LRMDA: variants seen among roughly 807,000 people sequenced by gnomAD.
LRMDA encodes leucine rich melanocyte differentiation associated.
Under a neutral mutation model 29.8 loss-of-function variants are expected in LRMDA, and 18 were observed. That is an observed-to-expected ratio of 0.60 (90% CI 0.42 to 0.90). The LOEUF (loss-of-function observed/expected upper bound fraction) is 0.90, where lower values mean the gene tolerates loss of function less well. LRMDA is among the 40% of genes least tolerant of loss of function. The probability of loss-of-function intolerance (pLI) is 0.00; values close to 1 mark genes in which losing one functional copy is unlikely to be tolerated. For missense variants in LRMDA, 273 were observed against 273.9 expected, an observed-to-expected ratio of 1.00 and a Z score of 0.02; for synonymous variants, 125 against 109.4, an observed-to-expected ratio of 1.14 and a Z score of -0.89.
intron 6 of LRMDA, among the ~76,000 whole-genome samples, chr10:76,472,303 A>G (rs1842626074): frequency 6.6e-6 from 1 of 151,820 alleles, no homozygotes; most frequent in Non-Finnish European, 1.5e-5. Flanking sequence ...ACATTGCTGA[A>G]TTGCCATTAG....
At chr10:75,955,149 G>A (rs556357980) in intron 2 of LRMDA, among the ~76,000 whole-genome samples, 1 of 152,264 alleles carries the variant, frequency 6.6e-6, no homozygotes, top group South Asian at 2.1e-4. Flanking sequence ...TGGTTATCTT[G>A]TAAGATAGGG....
At chr10:76,387,587 A>C (rs1397952911) in intron 6 of LRMDA, among the ~76,000 whole-genome samples, 1 of 151,892 alleles carries the variant, frequency 6.6e-6, no homozygotes, top group Non-Finnish European at 1.5e-5. Context: ...TGGGGGACAG[A>C]ATGAAACACT....
intron 5 of LRMDA, among the ~76,000 whole-genome samples, chr10:76,104,846 A>G (rs1332697710): frequency 6.6e-6 from 1 of 151,752 alleles, no homozygotes; most frequent in Non-Finnish European, 1.5e-5. Context: ...GCCCTGTCTC[A>G]TGTCCCTGCT....
intron 6 of LRMDA, among the ~76,000 whole-genome samples, chr10:76,418,715 A>G (rs1842043890): frequency 6.6e-6 from 1 of 151,980 alleles, no homozygotes; most frequent in African/African-American, 2.4e-5. Context: ...TTTTAATTTT[A>G]TTATGTCTAA....
intron 2 of LRMDA, among the ~76,000 whole-genome samples, chr10:75,453,516 C>T (rs1401166628): frequency 1.3e-5 from 2 of 152,192 alleles, no homozygotes. Context: ...GTGCTGTTTG[C>T]AAAGGTGCCA....
chr10:76,265,914 T>C (rs1840001540), intron 5 of LRMDA, among the ~76,000 whole-genome samples: 1 of 152,236 alleles, frequency 6.6e-6, no homozygotes, highest in Non-Finnish European at 1.5e-5. Flanking sequence ...CTTCCTGGTA[T>C]TAGACTAACT....
At chr10:76,141,134 T>C (rs571810814) in intron 5 of LRMDA, among the ~76,000 whole-genome samples, 4 of 152,190 alleles carry the variant, frequency 2.6e-5, no homozygotes, top group Admixed American at 6.6e-5. Flanking sequence ...CTATTATCAG[T>C]TTCTTTCAGC....
intron 5 of LRMDA, among the ~76,000 whole-genome samples, chr10:76,298,265 G>C (rs1840437237): frequency 6.6e-6 from 1 of 152,162 alleles, no homozygotes; most frequent in Non-Finnish European, 1.5e-5. Flanking sequence ...CCCCCAACCA[G>C]TTAGCAGCAT....
intron 2 of LRMDA, among the ~76,000 whole-genome samples, chr10:75,836,048 C>G (rs1844430158): frequency 6.6e-6 from 1 of 152,126 alleles, no homozygotes; most frequent in African/African-American, 2.4e-5. Flanking sequence ...AAAAAATCCT[C>G]ACTCTCTTAG....
intron 2 of LRMDA, among the ~76,000 whole-genome samples, chr10:75,783,805 C>G (rs1356127722): frequency 6.6e-6 from 1 of 152,180 alleles, no homozygotes; most frequent in Admixed American, 6.5e-5. Flanking sequence ...AAATGTTCAT[C>G]TCCTCCCTTT....
At chr10:75,565,221 G>C (rs199840992) in intron 2 of LRMDA, among the ~76,000 whole-genome samples, 1 of 152,178 alleles carries the variant, frequency 6.6e-6, no homozygotes, top group Non-Finnish European at 1.5e-5. Flanking sequence ...TTGTGGGTTT[G>C]GGGGAATGGT....
At position 76,462,676 on chromosome 10, in the gene LRMDA, G is replaced by A. The variant is rs534789453; in HGVS notation, c.602-94533G>A. On this transcript the variant is annotated intron_variant, in intron 6 of 6. Transcript: ENST00000611255. ...GTGTGGTCTGGCCTTCAAGGGAGCC[G>A]TTTCCAGCAGTACATGTGAGGAGAG... 1.1e-4 allele frequency among the ~76,000 whole-genome samples: 16 copies of A among 152,264 alleles called. No individual in the cohort carries two copies. The South Asian group carries it at 2.3e-3, about 22-fold the overall frequency.
chr10:75,588,806 T>C (rs1840686346), intron 2 of LRMDA, among the ~76,000 whole-genome samples: 1 of 152,312 alleles, frequency 6.6e-6, no homozygotes, highest in African/African-American at 2.4e-5. Context: ...AAATTTTATA[T>C]GTATAAGCAA....
At chr10:75,783,818 T>C (rs1843425632) in intron 2 of LRMDA, among the ~76,000 whole-genome samples, 1 of 152,178 alleles carries the variant, frequency 6.6e-6, no homozygotes, top group African/African-American at 2.4e-5. Flanking sequence ...CTCCCTTTCT[T>C]TCAATCAAGC....
At chr10:76,042,228 TG>T (rs760857690) in intron 3 of LRMDA, among the ~76,000 whole-genome samples, 6 of 152,188 alleles carry the variant, frequency 3.9e-5, no homozygotes, top group African/African-American at 7.2e-5. Context: ...GCTTCCTGCC[TG>T]GTGTGGATTT....
intron 5 of LRMDA, among the ~76,000 whole-genome samples, chr10:76,315,900 C>T (rs1247701344): frequency 6.6e-6 from 1 of 152,086 alleles, no homozygotes; most frequent in Non-Finnish European, 1.5e-5. Context: ...CCATAGACAC[C>T]CTCCCCACTC....
At chr10:76,499,211 C>A (rs1324083212) in intron 6 of LRMDA, among the ~76,000 whole-genome samples, 1 of 74,820 alleles carries the variant, frequency 1.3e-5, no homozygotes, top group African/African-American at 3.2e-5. Context: ...ATTTTTGTCA[C>A]CCCCATAAGC....
intron 2 of LRMDA, among the ~76,000 whole-genome samples, chr10:75,694,903 CATA>C (rs1224008630): frequency 6.6e-6 from 1 of 152,172 alleles, no homozygotes; most frequent in Non-Finnish European, 1.5e-5. Flanking sequence ...AATTCCTTGA[CATA>C]ATAAGAAGTT....
chr10:76,102,501 G>A (rs1445999714), intron 5 of LRMDA, among the ~76,000 whole-genome samples: 1 of 152,036 alleles, frequency 6.6e-6, no homozygotes, highest in Non-Finnish European at 1.5e-5. Context: ...CTTTCTGTTC[G>A]TGCATTAGTT....
Sources: gnomAD v4.1 joint callset for allele counts (sites outside exome capture counted in the v4.1 genomes callset) on GRCh38, gnomAD v4.1.1 for gene constraint, MANE v1.5 for transcripts, NCBI Gene and HGNC (gene_info 2026-07-23, HGNC 2026-07-21) for gene names.